Variants in PDLIM5 observed in about 807,000 individuals in gnomAD.
PDLIM5 encodes the protein PDZ and LIM domain protein 5.
Under a neutral mutation model 64.2 loss-of-function variants are expected in PDLIM5, and 34 were observed. The ratio of observed to expected loss-of-function variants is 0.53; its 90% CI spans 0.40 to 0.71. PDLIM5 has a LOEUF of 0.71. PDLIM5 is among the 30% of genes least tolerant of loss of function. The pLI, the probability that PDLIM5 is intolerant of heterozygous loss-of-function variation, is 0.00. For missense variants in PDLIM5, 683 were observed against 733.6 expected, an observed-to-expected ratio of 0.93 and a Z score of 0.80; for synonymous variants, 253 against 269.1, an observed-to-expected ratio of 0.94 and a Z score of 0.59.
chr4:94,591,607 G>A (rs974047746), intron 7 of PDLIM5, among the ~76,000 whole-genome samples: 1 of 152,226 alleles, frequency 6.6e-6, no homozygotes, highest in Admixed American at 6.5e-5. Flanking sequence ...TAATTGATAA[G>A]TGGGAAGAGA....
chr4:94,610,284 T>A lies in PDLIM5; in HGVS notation c.921-7720T>A, dbSNP rs1296604479. 2.0e-6 allele frequency: 3 copies of A among 1,517,606 alleles called. No individual in the cohort carries two copies. The Admixed American group carries it at 6.2e-5, about 31-fold the overall frequency. The allele number at this position is 1,517,606 out of a possible 1,614,324, so 94.0% of individuals were successfully genotyped here. A position where few individuals can be genotyped will look rare whatever the true frequency, so the allele number is the denominator to read the frequency against. On this transcript the variant is annotated intron_variant, in intron 7 of 12. Transcript: ENST00000317968. ...GCAGCGCAGCTGCTACTGTGTCTGC[T>A]GTTATTGCTACAAAAACCAGGTAGA...
At chr4:94,466,486 T>A (rs972985352) in intron 2 of PDLIM5, among the ~76,000 whole-genome samples, 1 of 152,210 alleles carries the variant, frequency 6.6e-6, no homozygotes, top group Non-Finnish European at 1.5e-5. Context: ...TTTAACATGC[T>A]TTCTAGATGT....
chr4:94,559,103 T>TC (rs745631022), intron 3 of PDLIM5, among the ~76,000 whole-genome samples: 2 of 152,198 alleles, frequency 1.3e-5, no homozygotes, highest in Non-Finnish European at 2.9e-5. Flanking sequence ...CTGTTTTCTA[T>TC]CATGAAACCT....
At chr4:94,566,872 C>T (rs578115190) in intron 3 of PDLIM5, among the ~76,000 whole-genome samples, 15 of 152,248 alleles carry the variant, frequency 9.9e-5, no homozygotes, top group South Asian at 8.3e-4. Context: ...GAAAGTTTTC[C>T]GGAAGCAGTT....
intron 7 of PDLIM5, among the ~76,000 whole-genome samples, chr4:94,598,607 C>T (rs1008815459): frequency 5.3e-5 from 8 of 151,996 alleles, no homozygotes; most frequent in Non-Finnish European, 8.8e-5. Flanking sequence ...ATAATAAATA[C>T]GTCCAACAAA....
chr4:94,497,425 A>G (rs1727496836), intron 2 of PDLIM5, among the ~76,000 whole-genome samples: 1 of 152,172 alleles, frequency 6.6e-6, no homozygotes, highest in Non-Finnish European at 1.5e-5. Flanking sequence ...TAAGTATCCT[A>G]ATAGAAGTAA....
intron 7 of PDLIM5, chr4:94,608,064 A>T: frequency 6.5e-7 from 1 of 1,529,670 alleles, no homozygotes; most frequent in Non-Finnish European, 8.8e-7. Context: ...CTTAGGTTTG[A>T]CAGTGCTCTG....
At chr4:94,611,021 A>C (rs1395482216) in intron 7 of PDLIM5, 2 of 1,408,660 alleles carry the variant, frequency 1.4e-6, no homozygotes, top group East Asian at 2.5e-5. Flanking sequence ...ACTGTCTGCT[A>C]TTGGTAGTGT....
intron 3 of PDLIM5, among the ~76,000 whole-genome samples, chr4:94,562,855 G>A (rs1165313426): frequency 1.3e-5 from 2 of 151,994 alleles, no homozygotes; most frequent in African/African-American, 4.8e-5. Flanking sequence ...ACATAGAAAA[G>A]GTATCAGAAG....
intron 1 of PDLIM5, among the ~76,000 whole-genome samples, chr4:94,453,839 AT>A (rs1723081172): frequency 6.6e-6 from 1 of 152,086 alleles, no homozygotes; most frequent in African/African-American, 2.4e-5. Context: ...CTCTGTGCCT[AT>A]TACTTCATTA....
chr4:94,456,631 C>T, intron 2 of PDLIM5: 1 of 821,474 alleles, frequency 1.2e-6, no homozygotes, highest in Non-Finnish European at 1.9e-6. Context: ...GACATTTAAC[C>T]AATCCCCTAC....
At chr4:94,510,423 G>A (rs1197347618) in intron 2 of PDLIM5, among the ~76,000 whole-genome samples, 5 of 151,788 alleles carry the variant, frequency 3.3e-5, no homozygotes, top group African/African-American at 9.7e-5. Flanking sequence ...TCATGTGTTT[G>A]GAATGGTTCC....
chr4:94,558,614 G>A (rs536938517), intron 3 of PDLIM5, among the ~76,000 whole-genome samples: 4 of 152,096 alleles, frequency 2.6e-5, no homozygotes, highest in Non-Finnish European at 5.9e-5. Flanking sequence ...AACCAAAGAA[G>A]CTTTGCTTTT....
intron 9 of PDLIM5, among the ~76,000 whole-genome samples, chr4:94,649,704 T>A (rs1741693402): frequency 1.3e-5 from 2 of 152,246 alleles, no homozygotes; most frequent in Non-Finnish European, 2.9e-5. Context: ...ATTTGTAGAA[T>A]GTATATTAGT....
intron 3 of PDLIM5, among the ~76,000 whole-genome samples, chr4:94,568,743 T>C (rs543638338): frequency 3.1e-4 from 47 of 152,280 alleles, no homozygotes; most frequent in African/African-American, 1.1e-3. Flanking sequence ...TGCACATAAT[T>C]TGAAAACAGT....
In PDLIM5 at chr4:94,502,559, T is replaced by C. The variant is rs369126888; in HGVS notation, c.97-21165T>C. 5.3e-5 allele frequency among the ~76,000 whole-genome samples: 8 copies of C among 152,286 alleles called. No homozygotes were observed. The East Asian group carries it at 7.7e-4, about 15-fold the overall frequency. On this transcript the variant is annotated intron_variant, in intron 2 of 12. Transcript: ENST00000317968. ...GTTACAAATTGAGGATAAAAGTATC[T>C]ACTCCATAGGATTTTTATGAGATTA...
intron 5 of PDLIM5, among the ~76,000 whole-genome samples, chr4:94,580,794 T>A (rs1176507994): frequency 6.6e-6 from 1 of 152,060 alleles, no homozygotes; most frequent in African/African-American, 2.4e-5. Flanking sequence ...TGAAGCCAAA[T>A]TTTGATGTGC....
intron 2 of PDLIM5, among the ~76,000 whole-genome samples, chr4:94,485,410 G>A (rs1352857072): frequency 2.0e-5 from 3 of 152,136 alleles, no homozygotes; most frequent in Non-Finnish European, 4.4e-5. Context: ...ATGTCATCAA[G>A]CAATATGATT....
At chr4:94,511,704 T>TC (rs1422144547) in intron 2 of PDLIM5, among the ~76,000 whole-genome samples, 1 of 152,110 alleles carries the variant, frequency 6.6e-6, no homozygotes, top group African/African-American at 2.4e-5. Context: ...GCTTTTTTGG[T>TC]CCCGCAGATA....
Sources: gnomAD v4.1 joint callset for allele counts (sites outside exome capture counted in the v4.1 genomes callset) on GRCh38, gnomAD v4.1.1 for gene constraint, MANE v1.5 for transcripts, NCBI Gene and HGNC (gene_info 2026-07-23, HGNC 2026-07-21) for gene names.